TSPAN15: variants seen among roughly 807,000 people sequenced by gnomAD.
TSPAN15 encodes tetraspanin 15.
A neutral mutation model predicts 34.5 loss-of-function variants in TSPAN15; 20 were observed. That is an observed-to-expected ratio of 0.58 (90% confidence interval 0.41 to 0.84). The LOEUF (loss-of-function observed/expected upper bound fraction) is 0.84. Ranked by LOEUF, TSPAN15 falls within the 40% of genes least tolerant of loss-of-function variation. The probability of loss-of-function intolerance (pLI) is 0.00; values close to 1 mark genes in which losing one functional copy is unlikely to be tolerated. For synonymous variants in TSPAN15, 155 were observed against 153.9 expected, an observed-to-expected ratio of 1.01 and a Z score of -0.05; for missense variants, 313 against 386.1, an observed-to-expected ratio of 0.81 and a Z score of 1.59.
chr10:69,542,122 C>T, the TSPAN15 span, among the ~76,000 whole-genome samples: 2 of 152,164 alleles, frequency 1.3e-5, no homozygotes, highest in Admixed American at 6.5e-5. Context: ...CTGCCAGATA[C>T]CCTAAATTCT....
chr10:69,476,078 T>C (rs1301555228), intron 1 of TSPAN15, among the ~76,000 whole-genome samples: 1 of 152,030 alleles, frequency 6.6e-6, no homozygotes, highest in Non-Finnish European at 1.5e-5. Flanking sequence ...CCAATCAACG[T>C]CCAGTTCAGT....
At chr10:69,544,927 G>A in the TSPAN15 span, among the ~76,000 whole-genome samples, 1 of 152,156 alleles carries the variant, frequency 6.6e-6, no homozygotes, top group Non-Finnish European at 1.5e-5. Context: ...AGGCCACACA[G>A]CGCGCCCCTT....
intron 1 of TSPAN15, among the ~76,000 whole-genome samples, chr10:69,466,455 T>C (rs1841386964): frequency 6.6e-6 from 1 of 152,196 alleles, no homozygotes; most frequent in Non-Finnish European, 1.5e-5. Context: ...CATTTTAATA[T>C]GCATGTGGGA....
chr10:69,545,145 G>GC, the TSPAN15 span, among the ~76,000 whole-genome samples: 3 of 152,194 alleles, frequency 2.0e-5, no homozygotes, highest in African/African-American at 7.2e-5. Context: ...AGGAGTTTAG[G>GC]CCCCAAGGAT....
the TSPAN15 span, among the ~76,000 whole-genome samples, chr10:69,548,105 G>A: frequency 6.6e-6 from 1 of 152,116 alleles, no homozygotes; most frequent in African/African-American, 2.4e-5. Context: ...CATGGAATTG[G>A]GGAGGAGCAG....
chr10:69,462,736 C>T (rs927109204), intron 1 of TSPAN15, among the ~76,000 whole-genome samples: 2 of 152,180 alleles, frequency 1.3e-5, no homozygotes, highest in African/African-American at 4.8e-5. Context: ...ATGGTACTGG[C>T]GATTTCCAGG....
At chr10:69,459,970 G>T (rs1841211205) in intron 1 of TSPAN15, among the ~76,000 whole-genome samples, 1 of 151,754 alleles carries the variant, frequency 6.6e-6, no homozygotes, top group South Asian at 2.1e-4. Context: ...GCCCACGGAG[G>T]GAGGGAGAGT....
intron 2 of TSPAN15, 56 bp from the exon 3 acceptor site, chr10:69,485,085 A>G: frequency 6.5e-7 from 1 of 1,538,088 alleles, no homozygotes; most frequent in Non-Finnish European, 9.0e-7. Flanking sequence ...CCTCCCCTGT[A>G]CCCCACACAC....
intron 3 of TSPAN15, among the ~76,000 whole-genome samples, chr10:69,488,491 G>A (rs2394565): frequency 0.073 from 11,090 of 152,162 alleles, 1,299 homozygotes; most frequent in African/African-American, 0.25. Flanking sequence ...CTTATGAAAA[G>A]TCAGAACAAG....
intron 4 of TSPAN15, among the ~76,000 whole-genome samples, chr10:69,497,845 G>C (rs752971853): frequency 1.3e-5 from 2 of 152,210 alleles, no homozygotes; most frequent in Admixed American, 6.5e-5. Flanking sequence ...AGCTGAGCTG[G>C]ACGGGGTGGC....
chr10:69,493,233 G>A (rs1842004879), intron 3 of TSPAN15, among the ~76,000 whole-genome samples: 1 of 152,190 alleles, frequency 6.6e-6, no homozygotes, highest in South Asian at 2.1e-4. Flanking sequence ...TTCTGCCCAG[G>A]CTGCTCGGCT....
chr10:69,534,282 A>G, the TSPAN15 span, among the ~76,000 whole-genome samples: 37 of 152,346 alleles, frequency 2.4e-4, no homozygotes, highest in Non-Finnish European at 4.9e-4. Flanking sequence ...CTCAGGGAAC[A>G]TTGTTTCCAT....
Position 69,481,701 on chromosome 10 carries a change from C to T in TSPAN15, c.97-1990C>T, listed in dbSNP as rs547836753. Among the ~76,000 whole-genome samples the T allele has an allele frequency of 8.1e-4, 124 of 152,304 alleles. 1 individual carries two copies. The highest frequency in any genetic ancestry group is 2.2e-3 in the Admixed American group (34 of 15,294). On this transcript the variant is annotated intron_variant, in intron 1 of 7. Coordinates refer to ENST00000373290, the MANE Select transcript of TSPAN15 (RefSeq NM_012339.5). ...GGGTGGCTATGCTCATGTCACCTCCCGACAACATCTGTCTGTATCATCCCT... is the reference window on the plus strand; with the variant it reads ...GGGTGGCTATGCTCATGTCACCTCCTGACAACATCTGTCTGTATCATCCCT...
chr10:69,452,447 G>T (rs1437519385), intron 1 of TSPAN15, among the ~76,000 whole-genome samples: 1 of 152,180 alleles, frequency 6.6e-6, no homozygotes, highest in Non-Finnish European at 1.5e-5. Flanking sequence ...ATGAGCACTT[G>T]CTGAGTGATC....
Position 69,495,467 on chromosome 10 carries a change from C to A in TSPAN15, c.358-127C>A, listed in dbSNP as rs531852873. 130 of 666,334 alleles carry A rather than the reference C, an allele frequency of 2.0e-4. No individual in the cohort carries two copies. The Middle Eastern group carries it at 2.6e-3, about 13-fold the overall frequency. 41.3% of individuals were successfully genotyped at this position (666,334 alleles called of 1,614,324 possible). On this transcript the variant is annotated intron_variant, in intron 3 of 7. Coordinates refer to ENST00000373290, the MANE Select transcript of TSPAN15 (RefSeq NM_012339.5). Reference sequence around the variant, plus strand: ...TCCAGGGTGGGGAGTGGAGGGGGCTCCATGCTGGCTGGGCGCGAGCTGCAT... The same window carrying A: ...TCCAGGGTGGGGAGTGGAGGGGGCTACATGCTGGCTGGGCGCGAGCTGCAT...
intron 1 of TSPAN15, among the ~76,000 whole-genome samples, chr10:69,463,667 G>A (rs535255053): frequency 6.6e-5 from 10 of 152,178 alleles, no homozygotes; most frequent in South Asian, 2.1e-4. Flanking sequence ...AAAATTAGCC[G>A]GGCATAGTGG....
At chr10:69,485,500 A>G (rs545111676) in intron 3 of TSPAN15, among the ~76,000 whole-genome samples, 3 of 152,138 alleles carry the variant, frequency 2.0e-5, no homozygotes, top group Non-Finnish European at 4.4e-5. Context: ...AAATGAGCTT[A>G]GCATGTGAGC....
intron 2 of TSPAN15, among the ~76,000 whole-genome samples, chr10:69,484,465 T>C (rs1841806942): frequency 6.6e-6 from 1 of 152,218 alleles, no homozygotes; most frequent in Non-Finnish European, 1.5e-5. Context: ...TATCCCATTA[T>C]TGTGGGGTGA....
Position 69,507,380 on chromosome 10 carries a change from AGGGAAGGGCATCTG to A in TSPAN15, c.*413_*426del. 1 of 1,219,662 alleles carries A rather than the reference AGGGAAGGGCATCTG, an allele frequency of 8.2e-7. No individual in the cohort carries two copies. Among genetic ancestry groups the A allele is most frequent in the Non-Finnish European group, 1.0e-6 (1 of 959,020 alleles). 75.6% of individuals were successfully genotyped at this position (1,219,662 alleles called of 1,614,324 possible). ...GAGGGAGTGTGCCCCTCGGGGCAGG[AGGGAAGGGCATCTG>A]GGGAAGGGCAGGAGGGAAGAGCTGT... On this transcript the variant is annotated 3_prime_UTR_variant, in exon 8 of 8. Transcript: ENST00000373290.
Sources: gnomAD v4.1 joint callset for allele counts (sites outside exome capture counted in the v4.1 genomes callset) on GRCh38, gnomAD v4.1.1 for gene constraint, MANE v1.5 for transcripts, NCBI Gene and HGNC (gene_info 2026-07-23, HGNC 2026-07-21) for gene names.